The following IL1RAPL1 variants were observed in gnomAD, a reference collection of about 807,000 sequenced individuals.
IL1RAPL1 encodes interleukin-1 receptor accessory protein-like 1.
In IL1RAPL1, 3 loss-of-function variants were observed where a neutral mutation model predicts 48.4. That is an observed-to-expected ratio of 0.06 (90% CI 0.03 to 0.16). The LOEUF (loss-of-function observed/expected upper bound fraction) is 0.16. IL1RAPL1 is among the 10% of genes least tolerant of loss of function. IL1RAPL1 has a pLI of 1.00. For missense variants in IL1RAPL1, 349 were observed against 530.6 expected (o/e 0.66, Z 3.36); for synonymous variants, 185 against 187.7 (o/e 0.99, Z 0.12).
intron 2 of IL1RAPL1, among the ~76,000 whole-genome samples, chrX:28,872,928 T>G (rs1196684815): frequency 2.7e-5 from 3 of 111,234 alleles, no homozygotes; most frequent in African/African-American, 9.8e-5. Flanking sequence ...TATGACATTT[T>G]CCTTCTCTTA....
chrX:29,751,998 T>C (rs894858018), intron 6 of IL1RAPL1, among the ~76,000 whole-genome samples: 1 of 101,446 alleles, frequency 9.9e-6, no homozygotes, highest in East Asian at 3.0e-4. Flanking sequence ...TGTATATATA[T>C]ACACACACAT....
intron 6 of IL1RAPL1, 123 bp from the exon 7 acceptor site, chrX:29,917,341 T>G (rs1932807271): frequency 1.6e-6 from 1 of 642,145 alleles, no homozygotes; most frequent in Non-Finnish European, 2.4e-6. Flanking sequence ...CCTGAAAAAT[T>G]ATTCTTTTAG....
chrX:29,955,334 G>A lies in IL1RAPL1; in HGVS notation c.1605G>A (p.Thr535=), dbSNP rs35305747. ...EALKHTIKLL[T]VIKWHGPKCN... is the part of the protein sequence containing the mutation. ...TGAAGCACACCATCAAGCTCCTGACGGTCATTAAATGGCATGGACCAAAAT... is the reference window on the plus strand; with the variant it reads ...TGAAGCACACCATCAAGCTCCTGACAGTCATTAAATGGCATGGACCAAAAT... Residue 535 remains threonine, a synonymous_variant, in exon 11 of 11, where the codon ACG becomes ACA. Transcript: ENST00000378993. 8 of 1,211,232 alleles carry A rather than the reference G, an allele frequency of 6.6e-6. No homozygotes were observed. In the South Asian group the frequency reaches 1.1e-4, roughly 16 times the overall value.
At chrX:29,308,564 C>A in intron 3 of IL1RAPL1, among the ~76,000 whole-genome samples, 1 of 112,244 alleles carries the variant, frequency 8.9e-6, no homozygotes, top group East Asian at 2.8e-4. Context: ...TTTCTTAAAT[C>A]TGCAAACTGG....
chrX:28,900,695 A>T (rs991729716), intron 2 of IL1RAPL1, among the ~76,000 whole-genome samples: 15 of 112,032 alleles, frequency 1.3e-4, no homozygotes, highest in Admixed American at 1.9e-4. Context: ...TCTCATTTTT[A>T]GGTATTTGTT....
At chrX:28,793,069 T>C (rs1198681414) in intron 2 of IL1RAPL1, among the ~76,000 whole-genome samples, 1 of 106,741 alleles carries the variant, frequency 9.4e-6, no homozygotes, top group Non-Finnish European at 1.9e-5. Context: ...CGTTACACAA[T>C]AGATTTTATC....
At chrX:29,214,161 T>G (rs1234527597) in intron 2 of IL1RAPL1, among the ~76,000 whole-genome samples, 2 of 111,461 alleles carry the variant, frequency 1.8e-5, no homozygotes, top group Non-Finnish European at 3.8e-5. Flanking sequence ...ATGTGTACAT[T>G]TTGTGTCTTG....
chrX:29,267,705 A>C (rs935737644), intron 2 of IL1RAPL1, among the ~76,000 whole-genome samples: 7 of 112,227 alleles, frequency 6.2e-5, no homozygotes, highest in Admixed American at 5.7e-4. Context: ...ATTTTCAGCA[A>C]ATGAACAAGC....
At chrX:29,830,178 A>G (rs184346007) in intron 6 of IL1RAPL1, among the ~76,000 whole-genome samples, 3 of 111,872 alleles carry the variant, frequency 2.7e-5, no homozygotes, top group Non-Finnish European at 5.6e-5. Flanking sequence ...TTAGAAAAAG[A>G]AATAATCCTC....
intron 3 of IL1RAPL1, among the ~76,000 whole-genome samples, chrX:29,334,956 A>G (rs1351872964): frequency 4.4e-5 from 5 of 112,660 alleles, no homozygotes; most frequent in African/African-American, 1.6e-4. Context: ...GCGAGCCGAG[A>G]TCACGCCACT....
intron 6 of IL1RAPL1, among the ~76,000 whole-genome samples, chrX:29,826,551 C>G (rs1410892641): frequency 9.0e-6 from 1 of 111,467 alleles, no homozygotes; most frequent in Non-Finnish European, 1.9e-5. Flanking sequence ...CTCCCCTCCC[C>G]ACCTCCAGCC....
chrX:29,315,422 A>G (rs1932765794), intron 3 of IL1RAPL1, among the ~76,000 whole-genome samples: 1 of 111,745 alleles, frequency 8.9e-6, no homozygotes, highest in Non-Finnish European at 1.9e-5. Context: ...AAACATGGAA[A>G]GACTTAAAAT....
At chrX:29,101,120 A>C (rs1036339506) in intron 2 of IL1RAPL1, among the ~76,000 whole-genome samples, 1 of 111,994 alleles carries the variant, frequency 8.9e-6, no homozygotes, top group Non-Finnish European at 1.9e-5. Context: ...AGACTAACTA[A>C]GAAAAAGAGG....
intron 2 of IL1RAPL1, among the ~76,000 whole-genome samples, chrX:29,006,081 G>C (rs1318254837): frequency 1.8e-5 from 2 of 111,424 alleles, no homozygotes; most frequent in African/African-American, 6.5e-5. Flanking sequence ...CATGGGAGGG[G>C]GATCTGTAAA....
intron 1 of IL1RAPL1, among the ~76,000 whole-genome samples, chrX:28,707,193 C>T (rs1443851636): frequency 8.9e-6 from 1 of 112,060 alleles, no homozygotes; most frequent in East Asian, 2.8e-4. Flanking sequence ...GGGTTTTGTT[C>T]CTGGTAATTA....
intron 3 of IL1RAPL1, among the ~76,000 whole-genome samples, chrX:29,363,202 A>G (rs1206580375): frequency 2.7e-5 from 3 of 112,065 alleles, no homozygotes. Flanking sequence ...TTTTAATCAT[A>G]GTACAAAAAA....
At chrX:29,082,100 G>A (rs1195742249) in intron 2 of IL1RAPL1, among the ~76,000 whole-genome samples, 1 of 111,887 alleles carries the variant, frequency 8.9e-6, no homozygotes, top group Non-Finnish European at 1.9e-5. Flanking sequence ...TATAGTTAAT[G>A]TGTTCATAAT....
Position 28,615,199 on chromosome X carries a change from G to GTTTTTTTTTT in IL1RAPL1, c.-25+27178_-25+27187dup, listed in dbSNP as rs778402885. Among the ~76,000 whole-genome samples, 12 of 26,056 alleles carry GTTTTTTTTTT rather than the reference G, an allele frequency of 4.6e-4. 2 individuals are homozygous for GTTTTTTTTTT. Among genetic ancestry groups the GTTTTTTTTTT allele is most frequent in the African/African-American group, 7.1e-4 (5 of 7,051 alleles). 22.6% of individuals were successfully genotyped at this position (26,056 alleles called of 115,157 possible). ...CACTGCGCCTGGCCAACTGTTGTCT[G>GTTTTTTTTTT]TTTTTTTTTTTTTTTTTTTTTTTTT... On this transcript the variant is annotated intron_variant, in intron 1 of 10. Transcript: ENST00000378993.
At chrX:29,880,035 G>A (rs1225732465) in intron 6 of IL1RAPL1, among the ~76,000 whole-genome samples, 2 of 111,251 alleles carry the variant, frequency 1.8e-5, no homozygotes, top group African/African-American at 3.3e-5. Context: ...TGGATGGTTG[G>A]TATGCCTATA....
Sources: allele counts gnomAD v4.1 joint callset (sites outside exome capture counted in the v4.1 genomes callset), GRCh38; gene constraint gnomAD v4.1.1; transcripts MANE v1.5; gene names NCBI Gene and HGNC (gene_info 2026-07-23, HGNC 2026-07-21).